Variants in S100Z observed in about 807,000 individuals in gnomAD.
The protein encoded by S100Z is protein S100-Z.
In S100Z, 11 loss-of-function variants were observed where a neutral mutation model predicts 8.5. The observed-to-expected ratio is 1.30, with a 90% CI of 0.82 to 2.15. The LOEUF (loss-of-function observed/expected upper bound fraction) is 2.15. Ranked by LOEUF, S100Z falls within the 30% of genes most tolerant of loss-of-function variation. The pLI is 0.00. For missense variants in S100Z, 126 were observed against 117.9 expected, an observed-to-expected ratio of 1.07 and a Z score of -0.32; for synonymous variants, 34 against 43.8, an observed-to-expected ratio of 0.78 and a Z score of 0.89.
intron 1 of S100Z, among the ~76,000 whole-genome samples, chr5:76,867,527 CT>C (rs1742805870): frequency 6.6e-6 from 1 of 151,962 alleles, no homozygotes; most frequent in South Asian, 2.1e-4. Flanking sequence ...ATCTTTTCTC[CT>C]TTTGCTCCCA....
intron 1 of S100Z, among the ~76,000 whole-genome samples, chr5:76,861,021 C>T (rs1751039553): frequency 6.6e-6 from 1 of 152,194 alleles, no homozygotes. Context: ...AACAATTTAT[C>T]CCTAAATTTA....
intron 4 of S100Z, among the ~76,000 whole-genome samples, chr5:76,915,767 T>C (rs1267765377): frequency 6.6e-6 from 1 of 152,204 alleles, no homozygotes; most frequent in Admixed American, 6.5e-5. Flanking sequence ...AAACATGCCC[T>C]AATTATATGT....
At chr5:76,940,486 A>G in the S100Z span, among the ~76,000 whole-genome samples, 112,640 of 151,704 alleles carry the variant, frequency 0.74, 42,434 homozygotes, top group East Asian at 0.93. Flanking sequence ...GATCTCAACT[A>G]AGTGCAACCT....
At chr5:76,944,972 AAG>A in the S100Z span, among the ~76,000 whole-genome samples, 3 of 152,198 alleles carry the variant, frequency 2.0e-5, no homozygotes, top group African/African-American at 4.8e-5. Flanking sequence ...AGGGAAAAGA[AAG>A]AGAGATCAGA....
chr5:76,860,798 G>C (rs1469231194), intron 1 of S100Z, among the ~76,000 whole-genome samples: 1 of 152,114 alleles, frequency 6.6e-6, no homozygotes, highest in Non-Finnish European at 1.5e-5. Context: ...GTAATAAAAG[G>C]TGCTATACAA....
Position 76,856,784 on chromosome 5 carries a change from T to C in S100Z, c.-176+6629T>C, listed in dbSNP as rs572048551. The stretch of plus-strand genomic sequence containing the variant: ...AAATAAAATTGTACTGATACGACTC[T>C]CAGGGGCCTTGGGTTAGGATTGGGG... On this transcript the variant is annotated intron_variant, in intron 1 of 4. Transcript: ENST00000317593. 2.6e-5 allele frequency among the ~76,000 whole-genome samples: 4 copies of C among 152,350 alleles called. No individual in the cohort carries two copies. In the South Asian group the frequency reaches 8.3e-4, roughly 32 times the overall value.
At chr5:76,898,365 T>C (rs1384182757) in intron 4 of S100Z, among the ~76,000 whole-genome samples, 2 of 152,062 alleles carry the variant, frequency 1.3e-5, no homozygotes, top group African/African-American at 4.8e-5. Flanking sequence ...GTCAGGCCGG[T>C]CTTGAACTCC....
chr5:76,920,149 A>G (rs1181611001), intron 4 of S100Z, among the ~76,000 whole-genome samples: 2 of 152,016 alleles, frequency 1.3e-5, no homozygotes, highest in African/African-American at 4.8e-5. Flanking sequence ...ACCTCAGTTT[A>G]TCTGCTCCCT....
the S100Z span, among the ~76,000 whole-genome samples, chr5:76,949,825 G>A: frequency 0.063 from 9,559 of 152,218 alleles, 402 homozygotes; most frequent in African/African-American, 0.12. Flanking sequence ...ATGGGGAATC[G>A]CTAATAATGG....
chr5:76,897,479 A>G (rs1744080800), intron 4 of S100Z, among the ~76,000 whole-genome samples: 1 of 122,004 alleles, frequency 8.2e-6, no homozygotes, highest in Non-Finnish European at 1.5e-5. Flanking sequence ...AAATAAAAAA[A>G]TAAATAAATT....
intron 1 of S100Z, among the ~76,000 whole-genome samples, chr5:76,863,000 G>A (rs1170208266): frequency 1.3e-5 from 2 of 151,910 alleles, no homozygotes; most frequent in Non-Finnish European, 2.9e-5. Flanking sequence ...TCAATTCTTT[G>A]TTCAACACAC....
the S100Z span, among the ~76,000 whole-genome samples, chr5:76,936,649 A>G: frequency 4.9e-4 from 71 of 145,020 alleles, no homozygotes; most frequent in African/African-American, 1.7e-3. Context: ...ACACACACAC[A>G]CACACACAAC....
chr5:76,885,476 T>G (rs993376983), intron 4 of S100Z, among the ~76,000 whole-genome samples: 1 of 84,892 alleles, frequency 1.2e-5, no homozygotes, highest in Non-Finnish European at 2.3e-5. Context: ...GGGTGGGAGG[T>G]GCTTGCCCCC....
intron 1 of S100Z, among the ~76,000 whole-genome samples, chr5:76,853,621 C>A (rs1750793442): frequency 6.6e-6 from 1 of 151,810 alleles, no homozygotes; most frequent in Non-Finnish European, 1.5e-5. Flanking sequence ...CAAGGTGAAA[C>A]CTTGTCTCTA....
At chr5:76,897,027 A>G (rs996844448) in intron 4 of S100Z, among the ~76,000 whole-genome samples, 13 of 152,086 alleles carry the variant, frequency 8.5e-5, no homozygotes, top group African/African-American at 3.1e-4. Context: ...GTCTGTTTTT[A>G]TGCCAATGCC....
chr5:76,900,755 A>G (rs905202639), intron 4 of S100Z, among the ~76,000 whole-genome samples: 1 of 151,794 alleles, frequency 6.6e-6, no homozygotes, highest in East Asian at 1.9e-4. Flanking sequence ...TCATTTAATG[A>G]GGTCATGTTT....
rs36029083 is a variant in S100Z, at chr5:76,912,882, CAGAGAG to C, written c.*3-7822_*3-7817del. Among the ~76,000 whole-genome samples the C allele has an allele frequency of 1.1e-3, 170 of 148,550 alleles. 2 individuals carry two copies. The highest frequency in any genetic ancestry group is 0.01 in the Admixed American group (154 of 14,978). ...GAAGAGACAGACACAAAGAAGGAGT[CAGAGAG>C]AGAGAGAGAGAGGAGAAGAGACAGA... On this transcript the variant is annotated intron_variant, in intron 4 of 4. Transcript: ENST00000317593.
rs77875534 is a variant in S100Z, at chr5:76,918,059, C to T, written c.*3-2658C>T. On this transcript the variant is annotated intron_variant, in intron 4 of 4. Coordinates refer to ENST00000317593, the MANE Select transcript of S100Z (RefSeq NM_130772.4). ...AATTGGACTTGTGGTCAAAGGTATA[C>T]GTATTTAAAATTTTGATTGATAACG... Among the ~76,000 whole-genome samples, 444 of 152,190 alleles carry T rather than the reference C, an allele frequency of 2.9e-3. 2 individuals carry two copies. The highest frequency in any genetic ancestry group is 0.01 in the African/African-American group (423 of 41,518).
At chr5:76,867,956 G>A (rs1249793974) in intron 1 of S100Z, among the ~76,000 whole-genome samples, 2 of 152,050 alleles carry the variant, frequency 1.3e-5, no homozygotes, top group Admixed American at 1.3e-4. Context: ...AGACCTTTAC[G>A]CCCTAAGGGC....
Sources: allele counts gnomAD v4.1 joint callset (sites outside exome capture counted in the v4.1 genomes callset), GRCh38; gene constraint gnomAD v4.1.1; transcripts MANE v1.5; gene names NCBI Gene and HGNC (gene_info 2026-07-23, HGNC 2026-07-21).